The following SCAPER variants were observed in gnomAD, a reference collection of about 807,000 sequenced individuals.
SCAPER encodes the protein S-phase cyclin A associated protein in the ER.
SCAPER carries 98 observed loss-of-function variants against 182.2 expected under a neutral mutation model. The observed-to-expected ratio is 0.54, with a 90% CI of 0.46 to 0.64. The LOEUF is 0.64. SCAPER is among the 30% of genes least tolerant of loss of function. SCAPER has a pLI of 0.00. For missense variants in SCAPER, 1,432 were observed against 1,690.0 expected (o/e 0.85, Z 2.68); for synonymous variants, 605 against 564.6 (o/e 1.07, Z -1.01).
chr15:76,716,530 A>G (rs1332478212), intron 17 of SCAPER, among the ~76,000 whole-genome samples: 1 of 152,156 alleles, frequency 6.6e-6, no homozygotes, highest in Non-Finnish European at 1.5e-5. Flanking sequence ...ACTCAGTGAA[A>G]CATAAGAGAA....
In SCAPER at chr15:76,385,899, C is replaced by T. The variant is rs868047267; in HGVS notation, c.3468-4284G>A. On this transcript the variant is annotated intron_variant, in intron 27 of 31. Coordinates refer to ENST00000563290, the MANE Select transcript of SCAPER (RefSeq NM_020843.4). ...TGGAATAATTACCACAGGCTAGTGG[C>T]TCAAACAATAAAACATTTAATATTT... is the stretch of plus-strand genomic sequence containing the variant. Among the ~76,000 whole-genome samples, 4 of 152,194 alleles carry T rather than the reference C, an allele frequency of 2.6e-5. No individual in the cohort carries two copies. The South Asian group carries it at 6.2e-4, about 24-fold the overall frequency.
intron 21 of SCAPER, among the ~76,000 whole-genome samples, chr15:76,658,407 C>T (rs1459458113): frequency 6.6e-6 from 1 of 151,998 alleles, no homozygotes; most frequent in Non-Finnish European, 1.5e-5. Flanking sequence ...TCAAAGAAAT[C>T]AGAGATGACA....
intron 15 of SCAPER, among the ~76,000 whole-genome samples, chr15:76,745,204 C>G (rs1371945105): frequency 3.3e-5 from 5 of 152,088 alleles, no homozygotes; most frequent in African/African-American, 1.2e-4. Flanking sequence ...CTTTGGGAGT[C>G]CGAGGTGGGT....
chr15:76,562,394 T>C (rs532982695), intron 23 of SCAPER, among the ~76,000 whole-genome samples: 4 of 152,270 alleles, frequency 2.6e-5, no homozygotes, highest in East Asian at 3.9e-4. Flanking sequence ...TTTAATACAT[T>C]TGAATAACCT....
chr15:76,404,417 A>C (rs2044676963), intron 27 of SCAPER, 107 bp downstream of exon 27: 20 of 1,119,466 alleles, frequency 1.8e-5, no homozygotes, highest in Middle Eastern at 4.2e-4. Flanking sequence ...AAGAGGAAAG[A>C]TGGCCAAGAT....
intron 21 of SCAPER, among the ~76,000 whole-genome samples, chr15:76,645,680 C>T (rs1055168930): frequency 6.6e-6 from 1 of 151,992 alleles, no homozygotes; most frequent in Non-Finnish European, 1.5e-5. Flanking sequence ...TGGACACTGC[C>T]TCATAAAAGG....
intron 29 of SCAPER, among the ~76,000 whole-genome samples, chr15:76,370,969 C>G (rs962755620): frequency 1.3e-5 from 2 of 152,192 alleles, no homozygotes; most frequent in African/African-American, 4.8e-5. Flanking sequence ...TCTACACCCC[C>G]CACCGCTAGC....
intron 4 of SCAPER, among the ~76,000 whole-genome samples, chr15:76,852,503 A>C (rs2070860533): frequency 6.6e-6 from 1 of 152,224 alleles, no homozygotes; most frequent in Non-Finnish European, 1.5e-5. Flanking sequence ...TTCAGACCAC[A>C]ATGTAATAAA....
At chr15:76,653,619 C>T (rs559616575) in intron 21 of SCAPER, among the ~76,000 whole-genome samples, 2 of 152,290 alleles carry the variant, frequency 1.3e-5, no homozygotes, top group Admixed American at 6.5e-5. Flanking sequence ...AAGAATTCCC[C>T]ATTCGATAAA....
intron 23 of SCAPER, among the ~76,000 whole-genome samples, chr15:76,565,347 C>T (rs1597410611): frequency 6.6e-6 from 1 of 151,878 alleles, no homozygotes; most frequent in Admixed American, 6.6e-5. Context: ...ACCAATAACC[C>T]CATTACAAAG....
chr15:76,486,632 C>T (rs769030006), intron 24 of SCAPER, among the ~76,000 whole-genome samples: 5 of 152,082 alleles, frequency 3.3e-5, no homozygotes, highest in African/African-American at 7.2e-5. Context: ...CAAATCAAAT[C>T]ACAATGAGAT....
rs141437826 is a variant in SCAPER, at chr15:76,763,190, C to CT, written c.1725+1770dup. On this transcript the variant is annotated intron_variant, in intron 14 of 31. Coordinates refer to ENST00000563290, the MANE Select transcript of SCAPER (RefSeq NM_020843.4). ...TCAATTTTCATGTGTCTGGGAAAGA[C>CT]TTTATCTCCTTTCCATTTTTAAGGA... is the stretch of plus-strand genomic sequence containing the variant. 1.6e-4 allele frequency among the ~76,000 whole-genome samples: 25 copies of CT among 152,230 alleles called. No individual in the cohort carries two copies. In the East Asian group the frequency reaches 4.2e-3, roughly 26 times the overall value.
intron 5 of SCAPER, among the ~76,000 whole-genome samples, chr15:76,831,162 CCCAAGGCTTG>C (rs1345870660): frequency 6.6e-6 from 1 of 152,122 alleles, no homozygotes; most frequent in African/African-American, 2.4e-5. Flanking sequence ...GCTCCCATTC[CCCAAGGCTTG>C]CCATACTCCT....
chr15:76,752,468 T>C (rs1176337893), intron 15 of SCAPER, among the ~76,000 whole-genome samples: 1 of 151,792 alleles, frequency 6.6e-6, no homozygotes, highest in African/African-American at 2.4e-5. Flanking sequence ...AGCTAAAATG[T>C]AGTAATAACT....
chr15:76,603,646 C>A lies in SCAPER; in HGVS notation c.2711+18118G>T, dbSNP rs1248610784. ...GGTTGAACTAGTTTGCAGTCCCACT[C>A]ACAGTGTAAAAGTGTTCCTATTTCT... On this transcript the variant is annotated intron_variant, in intron 22 of 31. Coordinates refer to ENST00000563290, the MANE Select transcript of SCAPER (RefSeq NM_020843.4). Among the ~76,000 whole-genome samples, 2 of 121,172 alleles carry A rather than the reference C, an allele frequency of 1.7e-5. 1 individual carries two copies. The highest frequency in any genetic ancestry group is 5.0e-5 in the African/African-American group (2 of 39,686). The allele number at this position is 121,172 out of a possible 152,430, so 79.5% of individuals were successfully genotyped here.
intron 23 of SCAPER, among the ~76,000 whole-genome samples, chr15:76,516,969 C>A (rs560639190): frequency 6.6e-6 from 1 of 152,180 alleles, no homozygotes; most frequent in East Asian, 1.9e-4. Context: ...ATTCATTAGC[C>A]CCATTATACA....
intron 31 of SCAPER, chr15:76,350,014 A>G (rs1179881158): frequency 6.6e-6 from 1 of 152,254 alleles, no homozygotes; most frequent in Non-Finnish European, 1.5e-5. Context: ...TAAATACATT[A>G]GATTTTTCTA....
In SCAPER at chr15:76,750,448, CCTGATA is replaced by C. The variant is rs1370196495; in HGVS notation, c.1866+3354_1866+3359del. On this transcript the variant is annotated intron_variant, in intron 15 of 31. Transcript: ENST00000563290. ...ACTCATTCTATCGGGCCAGCATTAC[CCTGATA>C]CCAAAACCAGACAGAAACTACAAGG... is the stretch of plus-strand genomic sequence containing the variant. Among the ~76,000 whole-genome samples, 3 of 151,838 alleles carry C rather than the reference CCTGATA, an allele frequency of 2.0e-5. No individual in the cohort carries two copies. In the South Asian group the frequency reaches 6.2e-4, roughly 31 times the overall value.
chr15:76,605,282 A>T (rs2050285045), intron 22 of SCAPER, among the ~76,000 whole-genome samples: 1 of 152,042 alleles, frequency 6.6e-6, no homozygotes. Context: ...TGAGATAATC[A>T]TGTGGTTTTT....
Sources: allele counts gnomAD v4.1 joint callset (sites outside exome capture counted in the v4.1 genomes callset), GRCh38; gene constraint gnomAD v4.1.1; transcripts MANE v1.5; gene names NCBI Gene and HGNC (gene_info 2026-07-23, HGNC 2026-07-21).